Variants in MBP observed in about 807,000 individuals in gnomAD.
MBP encodes the protein Golli-MBP.
A neutral mutation model predicts 35.8 loss-of-function variants in MBP; 16 were observed. The observed-to-expected ratio is 0.45, with a 90% confidence interval of 0.30 to 0.68. MBP has a LOEUF of 0.68. MBP is among the 30% of genes least tolerant of loss of function. MBP has a pLI of 0.08. For missense variants in MBP, 380 were observed against 404.7 expected (o/e 0.94, Z 0.52); for synonymous variants, 143 against 159.6 (o/e 0.90, Z 0.78).
At chr18:77,013,496 C>T (rs997533118) in intron 4 of MBP, 1 of 985,070 alleles carries the variant, frequency 1.0e-6, no homozygotes, top group Non-Finnish European at 1.2e-6. Context: ...AATTAAAATG[C>T]AATGGAAAAA....
chr18:77,001,710 C>T (rs537653905), intron 4 of MBP, among the ~76,000 whole-genome samples: 4 of 152,186 alleles, frequency 2.6e-5, no homozygotes, highest in Admixed American at 6.5e-5. Flanking sequence ...ATTAGCTGGG[C>T]GTGGTGGCGG....
At chr18:77,000,303 A>T (rs1482124306) in intron 4 of MBP, among the ~76,000 whole-genome samples, 3 of 152,226 alleles carry the variant, frequency 2.0e-5, no homozygotes, top group Non-Finnish European at 4.4e-5. Flanking sequence ...AAAAACACAG[A>T]CAAAATATGC....
chr18:77,100,861 T>G lies in MBP; in HGVS notation c.51+4350A>C, dbSNP rs140108371. Among the ~76,000 whole-genome samples, 91 of 152,130 alleles carry G rather than the reference T, an allele frequency of 6.0e-4. 1 individual carries two copies. The East Asian group carries it at 0.016, about 26-fold the overall frequency. ...GGCCACCGCACCTGGCCTCGTTTGG[T>G]GTTTTGAACATGTAGTGAATCATCC... is the stretch of plus-strand genomic sequence containing the variant. On this transcript the variant is annotated intron_variant, in intron 2 of 8. Transcript: ENST00000355994.
chr18:77,086,352 C>T (rs80286220), intron 2 of MBP, among the ~76,000 whole-genome samples: 4 of 152,198 alleles, frequency 2.6e-5, no homozygotes, highest in South Asian at 2.1e-4. Context: ...CCAACCATCA[C>T]GATCAATTAG....
intron 3 of MBP, among the ~76,000 whole-genome samples, chr18:77,040,662 C>T (rs1254534615): frequency 1.3e-5 from 2 of 152,232 alleles, no homozygotes; most frequent in African/African-American, 2.4e-5. Flanking sequence ...ACAAACCTGA[C>T]AAAAACAAGA....
intron 2 of MBP, chr18:77,068,948 G>A: frequency 2.2e-6 from 1 of 462,624 alleles, no homozygotes; most frequent in Non-Finnish European, 4.3e-6. Flanking sequence ...GAGCCTTGGG[G>A]GCCTCACCTC....
intron 8 of MBP, chr18:76,984,574 T>G (rs1456800954): frequency 1.5e-6 from 1 of 667,804 alleles, no homozygotes; most frequent in Non-Finnish European, 2.5e-6. Flanking sequence ...ACCTCCGGCT[T>G]CACATGCATC....
chr18:77,056,353 GTC>G (rs1362411417), intron 3 of MBP, among the ~76,000 whole-genome samples: 1 of 152,176 alleles, frequency 6.6e-6, no homozygotes, highest in Non-Finnish European at 1.5e-5. Context: ...CAACTTCCTT[GTC>G]TCTAGAAAAC....
At chr18:77,030,510 C>T (rs1972503640) in intron 3 of MBP, among the ~76,000 whole-genome samples, 1 of 152,228 alleles carries the variant, frequency 6.6e-6, no homozygotes, top group South Asian at 2.1e-4. Context: ...GAACAATTTT[C>T]TCTGACAGTG....
rs1363178564 is a variant in MBP, at chr18:77,044,385, C to T, written c.139+21913G>A. On this transcript the variant is annotated intron_variant, in intron 3 of 8. Transcript: ENST00000355994. The surrounding 1 kb of genome is among the most constrained non-coding windows in gnomAD (Gnocchi z 4.4). ...TGCTGCAGCTGCCGTGGTGCCAGCC[C>T]CCTGCCCCTCTCCTCCACCTCCATA... Among the ~76,000 whole-genome samples the T allele has an allele frequency of 6.6e-6, 1 of 152,114 alleles. No homozygotes were observed. Among genetic ancestry groups the T allele is most frequent in the East Asian group, 1.9e-4 (1 of 5,192 alleles).
chr18:77,106,335 C>G (rs1195407780), intron 1 of MBP, among the ~76,000 whole-genome samples: 1 of 152,168 alleles, frequency 6.6e-6, no homozygotes, highest in Non-Finnish European at 1.5e-5. Context: ...CCCATGTTAC[C>G]GGGGTCCCTT....
chr18:77,104,803 C>T (rs952867005), intron 2 of MBP, among the ~76,000 whole-genome samples: 2 of 152,144 alleles, frequency 1.3e-5, no homozygotes, highest in Non-Finnish European at 2.9e-5. Context: ...CTCTGAGAGC[C>T]TCCTGATACT....
intron 2 of MBP, among the ~76,000 whole-genome samples, chr18:77,082,899 T>C (rs1975025422): frequency 1.1e-5 from 1 of 94,296 alleles, no homozygotes; most frequent in African/African-American, 3.7e-5. Context: ...TTTTGAAATG[T>C]GGGGAATTAA....
intron 2 of MBP, among the ~76,000 whole-genome samples, chr18:77,084,728 A>G (rs557531258): frequency 1.3e-5 from 2 of 152,310 alleles, no homozygotes; most frequent in Admixed American, 6.5e-5. Context: ...CTAGGTTGAC[A>G]ATACAAAGAA....
At chr18:77,027,882 T>A (rs115997610) in intron 3 of MBP, among the ~76,000 whole-genome samples, 1 of 152,100 alleles carries the variant, frequency 6.6e-6, no homozygotes, top group Admixed American at 6.5e-5. Flanking sequence ...AAAGACAAGG[T>A]CTTGCTGTGT....
Position 77,082,244 on chromosome 18 carries a change from C to G in MBP, c.52-15859G>C, listed in dbSNP as rs546759319. On this transcript the variant is annotated intron_variant, in intron 2 of 8. Transcript: ENST00000355994. Reference sequence around the variant, plus strand: ...ATAAATAAAATATGAGATAGTCCTACAGTGGGATATTATTCAGCAATAAAA... The same window carrying G: ...ATAAATAAAATATGAGATAGTCCTAGAGTGGGATATTATTCAGCAATAAAA... Among the ~76,000 whole-genome samples, 181 of 152,202 alleles carry G rather than the reference C, an allele frequency of 1.2e-3. 2 individuals carry two copies. Among genetic ancestry groups the G allele is most frequent in the Middle Eastern group, 6.8e-3 (2 of 294 alleles).
Position 76,980,281 on chromosome 18 carries a change from T to C in MBP, c.*146A>G. 2 of 787,012 alleles carry C rather than the reference T, an allele frequency of 2.5e-6. No individual in the cohort carries two copies. Among genetic ancestry groups the C allele is most frequent in the South Asian group, 1.4e-5 (1 of 70,974 alleles). 48.8% of individuals were successfully genotyped at this position (787,012 alleles called of 1,614,324 possible). On this transcript the variant is annotated 3_prime_UTR_variant, in exon 9 of 9. Transcript: ENST00000355994. Reference sequence around the variant, plus strand: ...GCCGGAAATTGCCGGTAGGCTGCCGTGGCCTGACCCTACTACGTGCACAAC... The same window carrying C: ...GCCGGAAATTGCCGGTAGGCTGCCGCGGCCTGACCCTACTACGTGCACAAC...
chr18:77,041,591 T>G (rs890866931), intron 3 of MBP, among the ~76,000 whole-genome samples: 4 of 152,054 alleles, frequency 2.6e-5, no homozygotes, highest in African/African-American at 9.7e-5. Context: ...TGGAATACTA[T>G]GCAGCCATAA....
chr18:77,032,509 G>A (rs968721569), intron 3 of MBP, among the ~76,000 whole-genome samples: 6 of 152,222 alleles, frequency 3.9e-5, no homozygotes, highest in African/African-American at 1.2e-4. Flanking sequence ...AGAGGCAGCC[G>A]TGTGCTAGGG....
Sources: allele counts gnomAD v4.1 joint callset (sites outside exome capture counted in the v4.1 genomes callset), GRCh38; gene constraint gnomAD v4.1.1; non-coding constraint Gnocchi (gnomAD v3.1); transcripts MANE v1.5; gene names NCBI Gene and HGNC (gene_info 2026-07-23, HGNC 2026-07-21).